ASXL2: variants seen among roughly 807,000 people sequenced by gnomAD.
The protein encoded by ASXL2 is putative Polycomb group protein ASXL2.
ASXL2 carries 23 observed loss-of-function variants against 122.0 expected under a neutral mutation model. The ratio of observed to expected loss-of-function variants is 0.19; its 90% CI spans 0.14 to 0.27. The LOEUF (loss-of-function observed/expected upper bound fraction) is 0.27, where lower values mean the gene tolerates loss of function less well. ASXL2 is among the 10% of genes least tolerant of loss of function. ASXL2 has a pLI of 1.00. For synonymous variants in ASXL2, 650 were observed against 637.0 expected, an observed-to-expected ratio of 1.02 and a Z score of -0.31; for missense variants, 1,518 against 1,713.8, an observed-to-expected ratio of 0.89 and a Z score of 2.02.
chr2:25,801,034 TTCCCACCTCAGCC>T lies in ASXL2; in HGVS notation c.253-1512_253-1500del, dbSNP rs2088990450. The stretch of plus-strand genomic sequence containing the variant: ...CTCGACCTCCCAGGCGCAAGCAATC[TTCCCACCTCAGCC>T]TCTGGAGCAGCTGGGACTACAGGTG... On this transcript the variant is annotated intron_variant, in intron 4 of 12. Transcript: ENST00000435504. Among the ~76,000 whole-genome samples, 3 of 152,138 alleles carry T rather than the reference TTCCCACCTCAGCC, an allele frequency of 2.0e-5. No individual in the cohort carries two copies. The South Asian group carries it at 6.2e-4, about 32-fold the overall frequency.
At chr2:25,872,104 T>G (rs2089966051) in intron 1 of ASXL2, among the ~76,000 whole-genome samples, 2 of 152,122 alleles carry the variant, frequency 1.3e-5, no homozygotes, top group African/African-American at 4.8e-5. Context: ...GCTACATAAA[T>G]TAAAAATTAG....
intron 5 of ASXL2, among the ~76,000 whole-genome samples, chr2:25,775,565 A>G (rs545835334): frequency 1.3e-5 from 2 of 152,030 alleles, no homozygotes; most frequent in Admixed American, 1.3e-4. Flanking sequence ...TTCTCATGAG[A>G]TCTGATGGTT....
At chr2:25,758,889 T>G (rs898311789) in intron 9 of ASXL2, among the ~76,000 whole-genome samples, 4 of 152,090 alleles carry the variant, frequency 2.6e-5, no homozygotes, top group Admixed American at 2.6e-4. Context: ...CATTTCCCAC[T>G]CCACTGAAGC....
Position 25,744,284 on chromosome 2 carries a change from AGGCGGCTGCAGCAGCTGC to A in ASXL2, c.2035_2052del (p.Ala679_Ala684del). On this transcript the variant is annotated inframe_deletion, in exon 13 of 13. Transcript: ENST00000435504. This position sits in a 1 kb window ranked among gnomAD's most constrained non-coding sequence, Gnocchi z 4.7. The stretch of plus-strand genomic sequence containing the variant: ...GGTCCTGGAATGGTCCCTCCAACTG[AGGCGGCTGCAGCAGCTGC>A]GGCGGCAGCGGCAGCTGCTGCCCTC... The A allele has an allele frequency of 6.2e-7, 1 of 1,612,028 alleles. No individual in the cohort carries two copies. The highest frequency in any genetic ancestry group is 8.5e-7 in the Non-Finnish European group (1 of 1,179,374).
intron 8 of ASXL2, among the ~76,000 whole-genome samples, chr2:25,766,111 A>T (rs142517421): frequency 5.3e-4 from 81 of 152,252 alleles, no homozygotes; most frequent in African/African-American, 1.9e-3. Context: ...GCACTGCTGC[A>T]CTTTTAGTTT....
At chr2:25,871,385 G>A (rs1219326639) in intron 1 of ASXL2, among the ~76,000 whole-genome samples, 1 of 152,144 alleles carries the variant, frequency 6.6e-6, no homozygotes, top group African/African-American at 2.4e-5. Flanking sequence ...TTGCAAACCT[G>A]AGGTTATTTT....
In ASXL2 at chr2:25,869,152, C is replaced by T. The variant is rs963962215; in HGVS notation, c.57+9014G>A. 4.9e-5 allele frequency among the ~76,000 whole-genome samples: 7 copies of T among 142,764 alleles called. No homozygotes were observed. The East Asian group carries it at 6.2e-4, about 13-fold the overall frequency. 93.7% of individuals were successfully genotyped at this position (142,764 alleles called of 152,430 possible). A position where few individuals can be genotyped will look rare whatever the true frequency, so the allele number is the denominator to read the frequency against. ...TGCACTCCAGCCTGGGGGACAAGAA[C>T]GAGACCTCATCTCAAAAAAAAAAAA... On this transcript the variant is annotated intron_variant, in intron 1 of 12. Coordinates refer to ENST00000435504, the MANE Select transcript of ASXL2 (RefSeq NM_018263.6).
intron 2 of ASXL2, among the ~76,000 whole-genome samples, chr2:25,837,050 G>A (rs1333502105): frequency 8.1e-6 from 1 of 123,968 alleles, no homozygotes; most frequent in Non-Finnish European, 1.6e-5. Context: ...TTAATAAGAC[G>A]AGCAAAGCAG....
chr2:25,756,898 A>T (rs2088144720), intron 9 of ASXL2, among the ~76,000 whole-genome samples: 1 of 152,224 alleles, frequency 6.6e-6, no homozygotes, highest in African/African-American at 2.4e-5. Flanking sequence ...GTACGAGGGT[A>T]ATAGTGTTCT....
At chr2:25,765,518 G>C (rs745572129) in intron 8 of ASXL2, among the ~76,000 whole-genome samples, 1 of 152,030 alleles carries the variant, frequency 6.6e-6, no homozygotes, top group Non-Finnish European at 1.5e-5. Context: ...AGTCATTGTG[G>C]CTATGTTACA....
intron 2 of ASXL2, chr2:25,845,253 C>T (rs533007284): frequency 6.5e-6 from 4 of 615,042 alleles, no homozygotes; most frequent in East Asian, 4.4e-5. Context: ...AGTGCATGGG[C>T]TTAAAGATAG....
chr2:25,792,543 A>C lies in ASXL2; in HGVS notation c.403+6842T>G, dbSNP rs186713140. ...GATCGAGTTACTATTATTTGATTAA[A>C]AACAAAAAAACAAAAATCATTACAT... On this transcript the variant is annotated intron_variant, in intron 5 of 12. Coordinates refer to ENST00000435504, the MANE Select transcript of ASXL2 (RefSeq NM_018263.6). 5.3e-3 allele frequency among the ~76,000 whole-genome samples: 798 copies of C among 151,730 alleles called. 5 individuals are homozygous for C. Among genetic ancestry groups the C allele is most frequent in the African/African-American group, 0.018 (746 of 40,978 alleles).
Position 25,735,464 on chromosome 2 carries a change from G to C in ASXL2, c.*6565C>G, listed in dbSNP as rs1031646272. ...GCCACTTCTACATTAGAATAGAAAA[G>C]GACACAAAAGTAATTTTATCCATTA... On this transcript the variant is annotated 3_prime_UTR_variant, in exon 13 of 13. Coordinates refer to ENST00000435504, the MANE Select transcript of ASXL2 (RefSeq NM_018263.6). 1 of 152,006 alleles carries C rather than the reference G, an allele frequency of 6.6e-6. No homozygotes were observed. Among genetic ancestry groups the C allele is most frequent in the Admixed American group, 6.6e-5 (1 of 15,260 alleles). The allele number at this position is 152,006 out of a possible 1,614,324, so 9.4% of individuals were successfully genotyped here.
At position 25,737,941 on chromosome 2, in the gene ASXL2, T is replaced by C. The variant is rs2087763676; in HGVS notation, c.*4088A>G. 1 of 152,164 alleles carries C rather than the reference T, an allele frequency of 6.6e-6. No homozygotes were observed. Among genetic ancestry groups the C allele is most frequent in the Non-Finnish European group, 1.5e-5 (1 of 68,028 alleles). The allele number at this position is 152,164 out of a possible 1,614,324, so 9.4% of individuals were successfully genotyped here. On this transcript the variant is annotated 3_prime_UTR_variant, in exon 13 of 13. Coordinates refer to ENST00000435504, the MANE Select transcript of ASXL2 (RefSeq NM_018263.6). ...AAGTTTAGCATTTACCAAACCAGTC[T>C]GTACAAACCTTACAGCCAGAAGGGA...
At chr2:25,819,526 G>T (rs1371374828) in intron 3 of ASXL2, among the ~76,000 whole-genome samples, 1 of 152,112 alleles carries the variant, frequency 6.6e-6, no homozygotes, top group Non-Finnish European at 1.5e-5. Flanking sequence ...ATATATTATG[G>T]TAAAAATGTC....
At chr2:25,753,507 G>A in intron 11 of ASXL2, 27 bp downstream of exon 11, 1 of 1,553,500 alleles carries the variant, frequency 6.4e-7, no homozygotes. Context: ...ATTAACATTT[G>A]GTTTATAGAA....
intron 3 of ASXL2, among the ~76,000 whole-genome samples, chr2:25,835,206 T>G (rs1377752893): frequency 6.6e-6 from 1 of 152,188 alleles, no homozygotes; most frequent in Non-Finnish European, 1.5e-5. Flanking sequence ...TTAATATACA[T>G]GTTTCCAGTC....
chr2:25,761,453 T>C (rs1226732202), intron 8 of ASXL2, among the ~76,000 whole-genome samples: 2 of 151,984 alleles, frequency 1.3e-5, no homozygotes, highest in Admixed American at 6.5e-5. Flanking sequence ...GGCAGGCAGA[T>C]CACAAGGTCA....
Position 25,744,058 on chromosome 2 carries a change from G to A in ASXL2, c.2279C>T (p.Pro760Leu). 28 of 1,613,990 alleles carry A rather than the reference G, an allele frequency of 1.7e-5. No homozygotes were observed. The highest frequency in any genetic ancestry group is 2.4e-5 in the Non-Finnish European group (28 of 1,179,868). The part of the protein sequence containing the change: ...TQPQSETKTT[P>L]SQAQPHSVSG... ...GACACTATGAGGCTGTGCCTGGCTT[G>A]GGGTGGTCTTGGTCTCAGACTGGGG... Residue 760 changes from proline to leucine, a missense_variant, in exon 13 of 13, where the codon CCA (proline) becomes CTA (leucine). Transcript: ENST00000435504. This position sits in a 1 kb window ranked among gnomAD's most constrained non-coding sequence, Gnocchi z 4.7.
Sources: allele counts gnomAD v4.1 joint callset (sites outside exome capture counted in the v4.1 genomes callset), GRCh38; gene constraint gnomAD v4.1.1; non-coding constraint Gnocchi (gnomAD v3.1); transcripts MANE v1.5; gene names NCBI Gene and HGNC (gene_info 2026-07-23, HGNC 2026-07-21).